Variants in CDKL2 observed in about 807,000 individuals in gnomAD.
The protein encoded by CDKL2 is cyclin-dependent kinase-like 2.
In CDKL2, 64 loss-of-function variants were observed where a neutral mutation model predicts 63.9. The ratio of observed to expected loss-of-function variants is 1.00; its 90% confidence interval spans 0.82 to 1.23. The LOEUF is 1.23. Ranked by LOEUF, CDKL2 falls within the 50% of genes most tolerant of loss-of-function variation. The pLI is 0.00. For synonymous variants in CDKL2, 211 were observed against 229.2 expected, an observed-to-expected ratio of 0.92 and a Z score of 0.72; for missense variants, 656 against 668.0, an observed-to-expected ratio of 0.98 and a Z score of 0.20.
chr4:75,614,546 A>T (rs1338465721), intron 2 of CDKL2, 97 bp from the exon 3 acceptor site: 11 of 728,662 alleles, frequency 1.5e-5, no homozygotes, highest in Non-Finnish European at 2.2e-5. Flanking sequence ...TTTAAAATAG[A>T]TCTCAGCGTA....
At chr4:75,617,612 A>T (rs1422690382) in intron 2 of CDKL2, among the ~76,000 whole-genome samples, 1 of 152,212 alleles carries the variant, frequency 6.6e-6, no homozygotes, top group Non-Finnish European at 1.5e-5. Flanking sequence ...CAAATTAAGA[A>T]ATCTAAATAA....
At chr4:75,616,832 G>A (rs946975041) in intron 2 of CDKL2, among the ~76,000 whole-genome samples, 1 of 152,082 alleles carries the variant, frequency 6.6e-6, no homozygotes, top group African/African-American at 2.4e-5. Context: ...GATGGAGCTA[G>A]AAGCCATTAT....
At chr4:75,614,719 G>A (rs545811947) in intron 2 of CDKL2, among the ~76,000 whole-genome samples, 6 of 151,626 alleles carry the variant, frequency 4.0e-5, no homozygotes, top group African/African-American at 1.4e-4. Flanking sequence ...AAAACTAAGA[G>A]GGATCTATGA....
At chr4:75,589,355 A>T (rs572626145) in intron 12 of CDKL2, among the ~76,000 whole-genome samples, 2 of 120,860 alleles carry the variant, frequency 1.7e-5, no homozygotes, top group African/African-American at 6.6e-5. Flanking sequence ...CCCAGGCTGG[A>T]GTGCAGTGGC....
chr4:75,608,142 T>TTA (rs1729510861), intron 3 of CDKL2, among the ~76,000 whole-genome samples: 1 of 143,882 alleles, frequency 7.0e-6, no homozygotes, highest in African/African-American at 2.6e-5. Context: ...TTTTTTTTTT[T>TTA]AGGCATCGTC....
At chr4:75,582,859 G>A (rs923624947) in intron 12 of CDKL2, among the ~76,000 whole-genome samples, 3 of 152,248 alleles carry the variant, frequency 2.0e-5, no homozygotes, top group East Asian at 3.9e-4. Flanking sequence ...AGAAATTACA[G>A]AGATCAGAAG....
Position 75,630,528 on chromosome 4 carries a change from G to T in CDKL2, c.-516C>A, listed in dbSNP as rs988043660. Reference sequence around the variant, plus strand: ...AGGCGTTGGCCGCGGAGCTGCAAGGGGGGGCGGTTTCTCACCCGCCCCGAG... The same window carrying T: ...AGGCGTTGGCCGCGGAGCTGCAAGGTGGGGCGGTTTCTCACCCGCCCCGAG... On this transcript the variant is annotated 5_prime_UTR_variant, in exon 1 of 14. Coordinates refer to ENST00000307465, the MANE Select transcript of CDKL2 (RefSeq NM_001330724.2). 2.0e-5 allele frequency: 3 copies of T among 152,372 alleles called. No individual in the cohort carries two copies. Among genetic ancestry groups the T allele is most frequent in the African/African-American group, 4.8e-5 (2 of 41,464 alleles). 9.4% of individuals were successfully genotyped at this position (152,372 alleles called of 1,614,324 possible). A position where few individuals can be genotyped will look rare whatever the true frequency, so the allele number is the denominator to read the frequency against.
chr4:75,620,865 T>C (rs890255303), intron 2 of CDKL2, among the ~76,000 whole-genome samples: 1 of 151,994 alleles, frequency 6.6e-6, no homozygotes, highest in African/African-American at 2.4e-5. Flanking sequence ...GTAGCTGATA[T>C]GAATCTTAGT....
At chr4:75,622,417 T>A (rs373113124) in intron 2 of CDKL2, among the ~76,000 whole-genome samples, 15 of 151,726 alleles carry the variant, frequency 9.9e-5, no homozygotes, top group African/African-American at 3.6e-4. Flanking sequence ...AATGACGAAG[T>A]GTATGTTAAG....
At chr4:75,605,461 CAG>C in intron 5 of CDKL2, 59 bp downstream of exon 5, 1 of 965,888 alleles carries the variant, frequency 1.0e-6, no homozygotes, top group African/African-American at 1.7e-5. Context: ...CACAAACACA[CAG>C]GCACAAACAA....
At position 75,614,244 on chromosome 4, in the gene CDKL2, C is replaced by T; in HGVS notation, c.363+11G>A. 6.5e-7 allele frequency: 1 copy of T among 1,532,844 alleles called. No homozygotes were observed. The highest frequency in any genetic ancestry group is 1.2e-5 in the South Asian group (1 of 84,778). The allele number at this position is 1,532,844 out of a possible 1,614,324, so 95.0% of individuals were successfully genotyped here. ...ATGTGATAAAGCAAATTATTTAAAC[C>T]CAATACTTACATTGTGACTGTGACA... is the stretch of plus-strand genomic sequence containing the variant. On this transcript the variant is annotated intron_variant, in intron 3 of 13. Transcript: ENST00000307465.
chr4:75,583,838 A>G lies in CDKL2; in HGVS notation c.1648-1940T>C, dbSNP rs569315124. 5.3e-5 allele frequency among the ~76,000 whole-genome samples: 8 copies of G among 152,326 alleles called. No individual in the cohort carries two copies. The East Asian group carries it at 9.6e-4, about 18-fold the overall frequency. On this transcript the variant is annotated intron_variant, in intron 12 of 13. Coordinates refer to ENST00000307465, the MANE Select transcript of CDKL2 (RefSeq NM_001330724.2). ...ATCACTAAAAAAAATATAAAAAGATATTGCCGAAAAAATACTGAAACTATT... is the reference window on the plus strand; with the variant it reads ...ATCACTAAAAAAAATATAAAAAGATGTTGCCGAAAAAATACTGAAACTATT...
chr4:75,581,454 G>A (rs890144739), intron 13 of CDKL2, among the ~76,000 whole-genome samples: 20 of 152,156 alleles, frequency 1.3e-4, no homozygotes, highest in Admixed American at 4.6e-4. Context: ...AACATTAACC[G>A]AGGCATCATT....
intron 5 of CDKL2, among the ~76,000 whole-genome samples, chr4:75,604,570 T>C (rs954292391): frequency 5.3e-5 from 8 of 152,238 alleles, no homozygotes; most frequent in African/African-American, 1.9e-4. Context: ...ATTTTGATAG[T>C]CCAGCTTTGA....
At chr4:75,610,139 C>G (rs1277008127) in intron 3 of CDKL2, among the ~76,000 whole-genome samples, 2 of 150,978 alleles carry the variant, frequency 1.3e-5, no homozygotes, top group Admixed American at 6.6e-5. Context: ...GGAGGCGGAG[C>G]TTGCAGTGAG....
At chr4:75,580,179 TGAGGATCACTTG>T (rs1728199821) in intron 13 of CDKL2, among the ~76,000 whole-genome samples, 1 of 150,626 alleles carries the variant, frequency 6.6e-6, no homozygotes, top group African/African-American at 2.4e-5. Context: ...GGCTGAGGCA[TGAGGATCACTTG>T]GAGGTTGCAG....
At chr4:75,620,444 A>G (rs1396317993) in intron 2 of CDKL2, among the ~76,000 whole-genome samples, 1 of 152,190 alleles carries the variant, frequency 6.6e-6, no homozygotes, top group African/African-American at 2.4e-5. Context: ...ACAGATGTGG[A>G]CCCAAATAAA....
chr4:75,623,273 T>C lies in CDKL2; in HGVS notation c.168+2548A>G, dbSNP rs185716603. Among the ~76,000 whole-genome samples the C allele has an allele frequency of 2.0e-3, 308 of 152,122 alleles. 4 individuals are homozygous for C. Among genetic ancestry groups the C allele is most frequent in the African/African-American group, 7.1e-3 (294 of 41,506 alleles). On this transcript the variant is annotated intron_variant, in intron 2 of 13. Transcript: ENST00000307465. ...CAGCCCGGGTGATACAGCAAAACCCTGTCTCAAAAAAAAACCTACTAACTA... is the reference window on the plus strand; with the variant it reads ...CAGCCCGGGTGATACAGCAAAACCCCGTCTCAAAAAAAAACCTACTAACTA...
chr4:75,581,166 T>C (rs1728245296), intron 13 of CDKL2, among the ~76,000 whole-genome samples: 1 of 152,234 alleles, frequency 6.6e-6, no homozygotes, highest in African/African-American at 2.4e-5. Flanking sequence ...CCATAGATTA[T>C]CATGAAGCTG....
Sources: allele counts gnomAD v4.1 joint callset (sites outside exome capture counted in the v4.1 genomes callset), GRCh38; gene constraint gnomAD v4.1.1; transcripts MANE v1.5; gene names NCBI Gene and HGNC (gene_info 2026-07-23, HGNC 2026-07-21).